CSMD3: variants seen among roughly 807,000 people sequenced by gnomAD.
CSMD3 encodes CUB and sushi domain-containing protein 3.
Under a neutral mutation model 435.2 loss-of-function variants are expected in CSMD3, and 177 were observed. The observed-to-expected ratio is 0.41, with a 90% CI of 0.36 to 0.46. The LOEUF (loss-of-function observed/expected upper bound fraction) is 0.46, where lower values mean the gene tolerates loss of function less well. CSMD3 is among the 20% of genes least tolerant of loss of function. The pLI, the probability that CSMD3 is intolerant of heterozygous loss-of-function variation, is 0.34. For synonymous variants in CSMD3, 1,656 were observed against 1,520.5 expected, an observed-to-expected ratio of 1.09 and a Z score of -2.07; for missense variants, 4,265 against 4,504.6, an observed-to-expected ratio of 0.95 and a Z score of 1.52.
intron 3 of CSMD3, among the ~76,000 whole-genome samples, chr8:113,250,675 T>C (rs1247626230): frequency 1.3e-5 from 2 of 152,078 alleles, no homozygotes; most frequent in African/African-American, 2.4e-5. Flanking sequence ...GGTCAAAATG[T>C]AGAGTATACA....
chr8:112,362,622 C>G (rs925373623), intron 38 of CSMD3, among the ~76,000 whole-genome samples: 3 of 152,042 alleles, frequency 2.0e-5, no homozygotes, highest in Middle Eastern at 3.4e-3. Context: ...AGAGATCAAT[C>G]AGCAACATAA....
intron 9 of CSMD3, among the ~76,000 whole-genome samples, chr8:112,943,420 C>T (rs1453157720): frequency 2.6e-5 from 4 of 151,518 alleles, no homozygotes; most frequent in Non-Finnish European, 4.4e-5. Flanking sequence ...ACCAGGAGAA[C>T]ATGCCACGAG....
chr8:113,071,420 T>C (rs548041433), intron 5 of CSMD3, among the ~76,000 whole-genome samples: 191 of 152,040 alleles, frequency 1.3e-3, no homozygotes, highest in African/African-American at 4.5e-3. Flanking sequence ...AAGCTCTCTA[T>C]GTTTTCTTCT....
chr8:112,949,230 G>T (rs79756932), intron 8 of CSMD3, among the ~76,000 whole-genome samples: 2 of 151,906 alleles, frequency 1.3e-5, no homozygotes, highest in African/African-American at 4.8e-5. Flanking sequence ...TAAAGTTGTC[G>T]TTTTCTAAAT....
chr8:113,329,204 A>AAAAATAAATAAAT (rs2094008161), intron 1 of CSMD3, among the ~76,000 whole-genome samples: 1 of 143,932 alleles, frequency 6.9e-6, no homozygotes, highest in Admixed American at 7.0e-5. Context: ...TTAAAGAATG[A>AAAAATAAATAAAT]AAATAAATAA....
intron 27 of CSMD3, among the ~76,000 whole-genome samples, chr8:112,528,058 T>C (rs941842096): frequency 1.3e-5 from 2 of 152,170 alleles, no homozygotes; most frequent in Non-Finnish European, 2.9e-5. Flanking sequence ...GGTTTTCACA[T>C]CATCAGTGAT....
intron 10 of CSMD3, among the ~76,000 whole-genome samples, chr8:112,875,127 T>A (rs1224226026): frequency 6.6e-6 from 1 of 152,146 alleles, no homozygotes; most frequent in Non-Finnish European, 1.5e-5. Context: ...TGACAAAATC[T>A]CTCAGAATTT....
At position 113,241,960 on chromosome 8, in the gene CSMD3, T is replaced by C. The variant is rs557307035; in HGVS notation, c.514+36632A>G. 1.7e-4 allele frequency among the ~76,000 whole-genome samples: 26 copies of C among 151,194 alleles called. No individual in the cohort carries two copies. The South Asian group carries it at 3.7e-3, about 22-fold the overall frequency. ...TATAAAAAATTACTATATATATATA[T>C]ACACACACAATTTTAGACAGGTTTT... On this transcript the variant is annotated intron_variant, in intron 3 of 70. Transcript: ENST00000297405.
At chr8:112,943,038 G>T (rs944229952) in intron 9 of CSMD3, among the ~76,000 whole-genome samples, 1 of 151,496 alleles carries the variant, frequency 6.6e-6, no homozygotes, top group Non-Finnish European at 1.5e-5. Context: ...CTATGTAATC[G>T]TATCTGGTAG....
intron 8 of CSMD3, 61 bp from the exon 9 acceptor site, chr8:112,947,938 T>C: frequency 2.7e-6 from 2 of 737,852 alleles, no homozygotes; most frequent in Non-Finnish European, 2.4e-6. Context: ...AAATCGATGA[T>C]ATTAATTTTA....
chr8:113,055,107 C>T lies in CSMD3; in HGVS notation c.918-35928G>A, dbSNP rs187444751. The stretch of plus-strand genomic sequence containing the variant: ...TCAGTTAGTTTATTATCTGTAACAC[C>T]AACCATTGTAATGTATGTTTTATTC... On this transcript the variant is annotated intron_variant, in intron 5 of 70. Coordinates refer to ENST00000297405, the MANE Select transcript of CSMD3 (RefSeq NM_198123.2). 4.9e-3 allele frequency among the ~76,000 whole-genome samples: 749 copies of T among 152,142 alleles called. 1 individual carries two copies. Among genetic ancestry groups the T allele is most frequent in the African/African-American group, 0.016 (666 of 41,514 alleles).
intron 27 of CSMD3, among the ~76,000 whole-genome samples, chr8:112,520,662 G>A (rs1563651394): frequency 6.6e-6 from 1 of 151,786 alleles, no homozygotes; most frequent in Admixed American, 6.6e-5. Flanking sequence ...AAAGAGGCAA[G>A]GTTATATTTG....
At chr8:113,191,986 T>C (rs2092592923) in intron 3 of CSMD3, among the ~76,000 whole-genome samples, 1 of 151,974 alleles carries the variant, frequency 6.6e-6, no homozygotes, top group Non-Finnish European at 1.5e-5. Context: ...TTGATTTGCA[T>C]TTCTTTGATG....
chr8:112,940,344 TAA>T (rs2083414821), intron 9 of CSMD3, among the ~76,000 whole-genome samples: 1 of 151,746 alleles, frequency 6.6e-6, no homozygotes, highest in Non-Finnish European at 1.5e-5. Context: ...TAGTGTGACA[TAA>T]GAGATTTCAA....
chr8:112,518,100 A>G (rs1437478294), intron 27 of CSMD3, among the ~76,000 whole-genome samples: 1 of 152,220 alleles, frequency 6.6e-6, no homozygotes, highest in Non-Finnish European at 1.5e-5. Flanking sequence ...TGATTCATAT[A>G]TATGACTTGG....
intron 1 of CSMD3, among the ~76,000 whole-genome samples, chr8:113,337,917 T>C (rs1218027948): frequency 6.6e-6 from 1 of 152,128 alleles, no homozygotes; most frequent in South Asian, 2.1e-4. Flanking sequence ...CATTCCATAA[T>C]ATGTATTTGA....
chr8:113,388,653 C>A (rs1005022030), intron 1 of CSMD3, among the ~76,000 whole-genome samples: 59 of 151,600 alleles, frequency 3.9e-4, no homozygotes, highest in African/African-American at 1.4e-3. Context: ...GACCACCAAG[C>A]TAAAAAATTC....
chr8:113,392,999 A>G (rs1482071640), intron 1 of CSMD3, among the ~76,000 whole-genome samples: 5 of 151,804 alleles, frequency 3.3e-5, no homozygotes, highest in Non-Finnish European at 7.4e-5. Flanking sequence ...ATATATATAT[A>G]TACACATGTG....
intron 6 of CSMD3, among the ~76,000 whole-genome samples, chr8:112,987,924 G>T (rs2085313737): frequency 6.6e-6 from 1 of 151,848 alleles, no homozygotes; most frequent in African/African-American, 2.4e-5. Context: ...AAAAGAGGAG[G>T]GCAATGATGG....
Sources: allele counts gnomAD v4.1 joint callset (sites outside exome capture counted in the v4.1 genomes callset), GRCh38; gene constraint gnomAD v4.1.1; transcripts MANE v1.5; gene names NCBI Gene and HGNC (gene_info 2026-07-23, HGNC 2026-07-21).